The following MYO9A variants were observed in gnomAD, a reference collection of about 807,000 sequenced individuals.
The protein encoded by MYO9A is unconventional myosin-IXa.
A neutral mutation model predicts 293.3 loss-of-function variants in MYO9A; 103 were observed. That is an observed-to-expected ratio of 0.35 (90% CI 0.30 to 0.41). MYO9A has a LOEUF of 0.41. Among genes scored for constraint, MYO9A ranks in the 10% least tolerant of loss-of-function variants. The pLI, the probability that MYO9A is intolerant of heterozygous loss-of-function variation, is 1.00. For missense variants in MYO9A, 2,685 were observed against 3,033.0 expected (o/e 0.89, Z 2.69); for synonymous variants, 1,001 against 1,035.7 (o/e 0.97, Z 0.64).
chr15:72,084,007 GTCCATC>G (rs1377285076), intron 1 of MYO9A, among the ~76,000 whole-genome samples: 2 of 152,116 alleles, frequency 1.3e-5, no homozygotes, highest in African/African-American at 4.8e-5. Flanking sequence ...TGTCTATTAG[GTCCATC>G]TGATCCAGTG....
chr15:72,032,833 AATTTT>A (rs2077918170), intron 2 of MYO9A, among the ~76,000 whole-genome samples: 1 of 152,022 alleles, frequency 6.6e-6, no homozygotes, highest in African/African-American at 2.4e-5. Context: ...AATAAACCAT[AATTTT>A]ATTTTATGTT....
intron 39 of MYO9A, among the ~76,000 whole-genome samples, chr15:71,843,006 A>AGAC: frequency 6.6e-6 from 1 of 152,204 alleles, no homozygotes. Context: ...CTCTGCTCTG[A>AGAC]GACAGCTTAA....
rs566351379 is a variant in MYO9A, at chr15:72,019,804, C to T, written c.1099-709G>A. On this transcript the variant is annotated intron_variant, in intron 5 of 41. Transcript: ENST00000356056. ...TCGCTCTGTTGCCCAGGCTGGAGTG[C>T]GGTGGCACAATCTTGGCTCACTGCA... Among the ~76,000 whole-genome samples the T allele has an allele frequency of 6.6e-5, 10 of 152,214 alleles. No homozygotes were observed. In the East Asian group the frequency reaches 7.7e-4, roughly 12 times the overall value.
At chr15:71,928,279 T>C (rs989865715) in intron 18 of MYO9A, among the ~76,000 whole-genome samples, 42 of 149,224 alleles carry the variant, frequency 2.8e-4, no homozygotes, top group African/African-American at 9.8e-4. Context: ...GGGTTTCACC[T>C]TGTTAGCCAG....
intron 2 of MYO9A, among the ~76,000 whole-genome samples, chr15:72,042,735 A>G (rs1291280203): frequency 6.6e-6 from 1 of 151,998 alleles, no homozygotes; most frequent in Non-Finnish European, 1.5e-5. Flanking sequence ...ATGACTGACT[A>G]TATGAAAAAT....
chr15:71,906,758 C>CTTTTTTTTTTTTTTT lies in MYO9A; in HGVS notation c.2686-1767_2686-1753dup, dbSNP rs71131714. Among the ~76,000 whole-genome samples the CTTTTTTTTTTTTTTT allele has an allele frequency of 4.9e-4, 30 of 61,028 alleles. 1 individual carries two copies. Among genetic ancestry groups the CTTTTTTTTTTTTTTT allele is most frequent in the African/African-American group, 1.8e-3 (28 of 15,720 alleles). 40.0% of individuals were successfully genotyped at this position (61,028 alleles called of 152,430 possible). A position where few individuals can be genotyped will look rare whatever the true frequency, so the allele number is the denominator to read the frequency against. On this transcript the variant is annotated intron_variant, in intron 19 of 41. Coordinates refer to ENST00000356056, the MANE Select transcript of MYO9A (RefSeq NM_006901.4). ...CCAATCAGATAATATCCATTTCTTT[C>CTTTTTTTTTTTTTTT]TTTTTTTTTTTTTTTTTTTTCCTGA...
intron 1 of MYO9A, among the ~76,000 whole-genome samples, chr15:72,063,586 A>G (rs138983896): frequency 6.6e-6 from 1 of 152,278 alleles, no homozygotes; most frequent in East Asian, 1.9e-4. Flanking sequence ...AATGGGCAAA[A>G]GACTGGAATA....
chr15:71,905,811 G>T (rs972550416), intron 19 of MYO9A, among the ~76,000 whole-genome samples: 1 of 145,568 alleles, frequency 6.9e-6, no homozygotes, highest in African/African-American at 2.5e-5. Context: ...TAAAGAACCA[G>T]CTTTTGGTGT....
chr15:71,968,309 G>A (rs1219922106), intron 12 of MYO9A, among the ~76,000 whole-genome samples, 184 bp from the exon 13 acceptor site: 1 of 151,952 alleles, frequency 6.6e-6, no homozygotes, highest in Non-Finnish European at 1.5e-5. Flanking sequence ...ATAAATATTG[G>A]TGTTACTATT....
chr15:72,002,799 A>G (rs996656576), intron 8 of MYO9A, among the ~76,000 whole-genome samples: 15 of 152,234 alleles, frequency 9.9e-5, no homozygotes, highest in African/African-American at 3.6e-4. Flanking sequence ...CTTCAATTAT[A>G]CACAATATTT....
At chr15:71,935,147 A>T (rs2058602103) in intron 17 of MYO9A, 194 bp downstream of exon 17, 1 of 522,500 alleles carries the variant, frequency 1.9e-6, no homozygotes, top group Non-Finnish European at 3.2e-6. Context: ...ATCAACAAAA[A>T]CACAAGCTTT....
chr15:71,951,751 CA>C, intron 15 of MYO9A, 25 bp downstream of exon 15: 4 of 1,613,090 alleles, frequency 2.5e-6, no homozygotes, highest in Non-Finnish European at 3.4e-6. Flanking sequence ...TATGTGATAA[CA>C]GTTTATCAGG....
intron 18 of MYO9A, among the ~76,000 whole-genome samples, chr15:71,917,916 A>G (rs924959320): frequency 6.6e-6 from 1 of 152,218 alleles, no homozygotes; most frequent in Non-Finnish European, 1.5e-5. Flanking sequence ...ACACACATGT[A>G]AACAATCTGA....
intron 19 of MYO9A, among the ~76,000 whole-genome samples, chr15:71,911,419 T>C (rs937366727): frequency 6.6e-6 from 1 of 152,168 alleles, no homozygotes; most frequent in Non-Finnish European, 1.5e-5. Flanking sequence ...TACCCACAGT[T>C]AGAAGACTCC....
chr15:71,855,650 C>G (rs1387323840), intron 34 of MYO9A, among the ~76,000 whole-genome samples: 3 of 152,108 alleles, frequency 2.0e-5, no homozygotes. Context: ...AACCTGCATC[C>G]AACCAGTTGC....
intron 1 of MYO9A, among the ~76,000 whole-genome samples, chr15:72,091,658 C>A (rs189954248): frequency 9.2e-5 from 14 of 152,052 alleles, no homozygotes; most frequent in African/African-American, 3.4e-4. Context: ...TTACACAGAA[C>A]ACAACTACAA....
rs2054421251 is a variant in MYO9A, at chr15:71,825,129, A to T, written c.*1451T>A. On this transcript the variant is annotated 3_prime_UTR_variant, in exon 42 of 42. Coordinates refer to ENST00000356056, the MANE Select transcript of MYO9A (RefSeq NM_006901.4). Reference sequence around the variant, plus strand: ...AAGGCTATCATGTTTCATTTTTTATATATTATAAATAGCAAAAACAGATTT... The same window carrying T: ...AAGGCTATCATGTTTCATTTTTTATTTATTATAAATAGCAAAAACAGATTT... The T allele has an allele frequency of 6.6e-6, 1 of 152,238 alleles. No homozygotes were observed. Among genetic ancestry groups the T allele is most frequent in the African/African-American group, 2.4e-5 (1 of 41,452 alleles). The allele number at this position is 152,238 out of a possible 1,614,324, so 9.4% of individuals were successfully genotyped here. A position where few individuals can be genotyped will look rare whatever the true frequency, so the allele number is the denominator to read the frequency against.
intron 18 of MYO9A, among the ~76,000 whole-genome samples, chr15:71,923,014 G>A (rs1172376499): frequency 6.6e-6 from 1 of 152,116 alleles, no homozygotes; most frequent in South Asian, 2.1e-4. Flanking sequence ...TATGCTGTCT[G>A]TGAGTCTGTC....
intron 1 of MYO9A, among the ~76,000 whole-genome samples, chr15:72,063,293 C>T (rs551542198): frequency 9.9e-5 from 15 of 152,246 alleles, no homozygotes; most frequent in African/African-American, 3.4e-4. Flanking sequence ...AACTCTCAAA[C>T]CACTGAAAGA....
Sources: gnomAD v4.1 joint callset for allele counts (sites outside exome capture counted in the v4.1 genomes callset) on GRCh38, gnomAD v4.1.1 for gene constraint, MANE v1.5 for transcripts, NCBI Gene and HGNC (gene_info 2026-07-23, HGNC 2026-07-21) for gene names.